Variants in LCTL observed in about 807,000 individuals in gnomAD.
LCTL encodes lactase-like protein.
A neutral mutation model predicts 75.8 loss-of-function variants in LCTL; 76 were observed. The ratio of observed to expected loss-of-function variants is 1.00; its 90% CI spans 0.83 to 1.21. The LOEUF is 1.21. Ranked by LOEUF, LCTL falls within the 50% of genes most tolerant of loss-of-function variation. The pLI is 0.00. For synonymous variants in LCTL, 271 were observed against 268.8 expected (o/e 1.01, Z -0.08); for missense variants, 670 against 712.4 (o/e 0.94, Z 0.68).
At chr15:66,565,820 T>G (rs1023650839), upstream of LCTL, 2 of 159,550 alleles carry the variant, frequency 1.3e-5, no homozygotes, top group Non-Finnish European at 2.7e-5. Flanking sequence ...CCCCTCGCTC[T>G]GGAATCCCCT....
exon 4 of LCTL, chr15:66,563,562 C>G (rs753067705): frequency 6.2e-7 from 1 of 1,612,668 alleles, no homozygotes; most frequent in South Asian, 1.1e-5. Context: ...AGTGATGTTG[C>G]TGCTCAGAAG....
rs771144268 is a variant in LCTL, at chr15:66,563,515, C to G, written c.480+1G>C. On this transcript the variant is annotated splice_donor_variant, in intron 4 of 12. Transcript: ENST00000341509. LOFTEE classifies it high-confidence loss of function. Reference sequence around the variant, plus strand: ...GCCTGTGAGCCTGCTCAGGTCCTCACCTGTGGCAGATCCCAGTGGTGCAAG... The same window carrying G: ...GCCTGTGAGCCTGCTCAGGTCCTCAGCTGTGGCAGATCCCAGTGGTGCAAG... 8.1e-6 allele frequency: 13 copies of G among 1,609,320 alleles called. No homozygotes were observed. Among genetic ancestry groups the G allele is most frequent in the East Asian group, 2.2e-5 (1 of 44,864 alleles).
intron 2 of LCTL, 176 bp from the exon 4 acceptor site, chr15:66,564,174 A>G: frequency 1.6e-6 from 1 of 606,280 alleles, no homozygotes; most frequent in Non-Finnish European, 3.0e-6. Context: ...CATGCAGGGG[A>G]TATGCCAAGA....
chr15:66,564,472 C>G lies in LCTL; in HGVS notation c.282+204G>C, dbSNP rs139300837. 3.5e-3 allele frequency: 2,058 copies of G among 585,656 alleles called. 28 individuals are homozygous for G. The highest frequency in any genetic ancestry group is 0.034 in the African/African-American group (1,806 of 53,148). The allele number at this position is 585,656 out of a possible 1,614,324, so 36.3% of individuals were successfully genotyped here. ...CACTTTCCTTTCCTCCTACATCCAC[C>G]TCACATCCTGGCCCCTCCCAAACCT... On this transcript the variant is annotated intron_variant, in intron 2 of 12. Transcript: ENST00000341509.
At chr15:66,548,268 C>T in exon 13 of LCTL, 1 of 340,356 alleles carries the variant, frequency 2.9e-6, no homozygotes, top group Non-Finnish European at 5.3e-6. Context: ...AAAATCTTAA[C>T]ATTAACTTTA....
At chr15:66,562,547 GA>G (rs1046615825) in intron 4 of LCTL, among the ~76,000 whole-genome samples, 12 of 151,850 alleles carry the variant, frequency 7.9e-5, no homozygotes, top group Non-Finnish European at 4.4e-5. Context: ...ACAAATTGTA[GA>G]AAAAAGGCTA....
chr15:66,556,329 G>A (rs946077469), intron 8 of LCTL, among the ~76,000 whole-genome samples: 1 of 151,984 alleles, frequency 6.6e-6, no homozygotes, highest in Admixed American at 6.6e-5. Context: ...TTTCGAGATG[G>A]AGTCTCACTC....
In LCTL at chr15:66,565,142, C is replaced by T. The variant is rs1895992135; in HGVS notation, c.118+106G>A. On this transcript the variant is annotated intron_variant, in intron 1 of 12. Transcript: ENST00000341509. ...AACAACCACACAAAGGTAGGTTTCT[C>T]ATCCTGCCAATCAGGAAGCAAGAAC... 1.2e-5 allele frequency: 10 copies of T among 813,806 alleles called. No individual in the cohort carries two copies. In the East Asian group the frequency reaches 2.2e-4, roughly 18 times the overall value. 50.4% of individuals were successfully genotyped at this position (813,806 alleles called of 1,614,324 possible).
exon 13 of LCTL, chr15:66,547,701 G>A (rs576335311): frequency 3.9e-5 from 6 of 152,256 alleles, no homozygotes; most frequent in African/African-American, 9.6e-5. Flanking sequence ...AAGAGTGTAC[G>A]TGCTCATTTA....
Position 66,558,088 on chromosome 15 carries a change from C to G in LCTL, c.706-52G>C, listed in dbSNP as rs369826743. On this transcript the variant is annotated intron_variant, in intron 6 of 12. Transcript: ENST00000341509. ...AGGTACCTGGCCCATCCATTTCCTCCCTTTCAATCTGAGTGGCCTTTCTTT... is the reference window on the plus strand; with the variant it reads ...AGGTACCTGGCCCATCCATTTCCTCGCTTTCAATCTGAGTGGCCTTTCTTT... The G allele has an allele frequency of 2.3e-4, 349 of 1,496,504 alleles. 1 individual carries two copies. The African/African-American group carries it at 4.6e-3, about 20-fold the overall frequency. 92.7% of individuals were successfully genotyped at this position (1,496,504 alleles called of 1,614,324 possible).
At chr15:66,551,996 T>C in intron 10 of LCTL, 47 bp downstream of exon 11, 1 of 1,587,366 alleles carries the variant, frequency 6.3e-7, no homozygotes, top group Non-Finnish European at 8.6e-7. Context: ...TCACATTTTG[T>C]CTCAGTTAAA....
rs200861479 is a variant in LCTL, at chr15:66,552,222, G to A, written c.1198-53C>T. The A allele has an allele frequency of 6.7e-4, 1,025 of 1,529,600 alleles. 2 individuals carry two copies. Among genetic ancestry groups the A allele is most frequent in the Non-Finnish European group, 8.2e-4 (926 of 1,127,700 alleles). 94.8% of individuals were successfully genotyped at this position (1,529,600 alleles called of 1,614,324 possible). On this transcript the variant is annotated intron_variant, in intron 9 of 12. Transcript: ENST00000341509. ...CTTAAAAATTCTGACCTACAGGTAG[G>A]TTTCTGAGTCAGAGGCTCATATAGG... is the stretch of plus-strand genomic sequence containing the variant.
At chr15:66,562,905 A>G (rs1326604767) in intron 4 of LCTL, among the ~76,000 whole-genome samples, 2 of 152,226 alleles carry the variant, frequency 1.3e-5, no homozygotes, top group Non-Finnish European at 2.9e-5. Context: ...GTTAAAAGAC[A>G]TATCTTTATA....
At chr15:66,549,758 C>T (rs2140829492) in intron 12 of LCTL, 1 of 232,066 alleles carries the variant, frequency 4.3e-6, no homozygotes, top group South Asian at 1.3e-4. Flanking sequence ...TGCCCAAGCC[C>T]ACTATAACAA....
intron 11 of LCTL, among the ~76,000 whole-genome samples, chr15:66,550,410 G>A (rs1895553941): frequency 6.6e-6 from 1 of 152,054 alleles, no homozygotes; most frequent in South Asian, 2.1e-4. Flanking sequence ...AGTCCTACGG[G>A]GCTCACCTTA....
chr15:66,565,369 G>A (rs775220245), exon 1 of LCTL: 3 of 1,579,292 alleles, frequency 1.9e-6, no homozygotes, highest in Admixed American at 3.6e-5. Context: ...GCTTCATGGT[G>A]CCTGGCCCTC....
intron 6 of LCTL, 58 bp from the exon 8 acceptor site, chr15:66,558,094 A>C: frequency 1.4e-6 from 2 of 1,457,482 alleles, no homozygotes; most frequent in Non-Finnish European, 1.9e-6. Flanking sequence ...CCTCCCTTTC[A>C]ATCTGAGTGG....
chr15:66,562,765 G>A (rs927729631), intron 4 of LCTL, among the ~76,000 whole-genome samples: 15 of 152,002 alleles, frequency 9.9e-5, no homozygotes, highest in South Asian at 4.2e-4. Flanking sequence ...TGTATTTTTC[G>A]TAGAGACTGT....
chr15:66,563,543 C>A, exon 4 of LCTL: 2 of 1,612,332 alleles, frequency 1.2e-6, no homozygotes, highest in South Asian at 2.2e-5. Context: ...GGTGCAAGGT[C>A]ACGATGGGAG....
Sources: allele counts gnomAD v4.1 joint callset (sites outside exome capture counted in the v4.1 genomes callset), GRCh38; gene constraint gnomAD v4.1.1; transcripts MANE v1.5; gene names NCBI Gene and HGNC (gene_info 2026-07-23, HGNC 2026-07-21).